The following ODAD1 variants were observed in gnomAD, a reference collection of about 807,000 sequenced individuals.
ODAD1 encodes outer dynein arm docking complex subunit 1.
ODAD1 carries 49 observed loss-of-function variants against 67.2 expected under a neutral mutation model. That is an observed-to-expected ratio of 0.73 (90% CI 0.58 to 0.92). The LOEUF is 0.92. Among genes scored for constraint, ODAD1 ranks in the 40% least tolerant of loss-of-function variants. The pLI is 0.00. For missense variants in ODAD1, 897 were observed against 953.7 expected (o/e 0.94, Z 0.78); for synonymous variants, 345 against 393.7 (o/e 0.88, Z 1.46).
chr19:48,305,023 C>G (rs1320123498), intron 8 of ODAD1, among the ~76,000 whole-genome samples: 3 of 152,110 alleles, frequency 2.0e-5, no homozygotes, highest in Non-Finnish European at 4.4e-5. Flanking sequence ...TTTGTTTTAA[C>G]AGAGAGAGAG....
chr19:48,308,576 AG>A (rs1259050035), intron 7 of ODAD1, among the ~76,000 whole-genome samples: 2 of 152,270 alleles, frequency 1.3e-5, no homozygotes, highest in African/African-American at 2.4e-5. Context: ...ATAACCATTC[AG>A]GGAAGAATCA....
Position 48,298,235 on chromosome 19 carries a change from C to A in ODAD1, c.1346G>T (p.Ser449Ile). The A allele has an allele frequency of 6.2e-7, 1 of 1,614,074 alleles. No homozygotes were observed. Among genetic ancestry groups the A allele is most frequent in the Non-Finnish European group, 8.5e-7 (1 of 1,180,032 alleles). The change falls in exon 13 of 16, where the codon AGC becomes ATC. Residue 449 changes from serine (S) to isoleucine (I), a missense_variant. Coordinates refer to ENST00000674294, the MANE Select transcript of ODAD1 (RefSeq NM_001364171.2). ...MGDRDMGLFL[S>I]LIEKRLVELL... ...CTCCACCAGCCGCTTCTCAATGAGG[C>A]TCAGGAAGAGGCCCATGTCCCGGTC... is the stretch of plus-strand genomic sequence containing the variant.
At chr19:48,316,230 A>C (rs1014909598) in intron 5 of ODAD1, among the ~76,000 whole-genome samples, 1 of 152,034 alleles carries the variant, frequency 6.6e-6, no homozygotes, top group Non-Finnish European at 1.5e-5. Context: ...AAAATATAAA[A>C]ATTAGCTGGG....
chr19:48,306,813 G>A (rs1053024201), intron 7 of ODAD1, among the ~76,000 whole-genome samples: 7 of 152,084 alleles, frequency 4.6e-5, no homozygotes, highest in Admixed American at 4.6e-4. Flanking sequence ...TTGGGAGGAC[G>A]AGGCGGGCAG....
chr19:48,306,410 A>AAGG, intron 7 of ODAD1, 87 bp from the exon 8 acceptor site: 1 of 1,139,142 alleles, frequency 8.8e-7, no homozygotes, highest in Non-Finnish European at 1.3e-6. Context: ...CTTCTCCAAT[A>AAGG]AGGAGTAAAG....
At position 48,321,903 on chromosome 19, in the gene ODAD1, G is replaced by T; in HGVS notation, c.-289C>A. 2.5e-6 allele frequency: 1 copy of T among 398,036 alleles called. No homozygotes were observed. The highest frequency in any genetic ancestry group is 1.3e-4 in the South Asian group (1 of 7,804). 24.7% of individuals were successfully genotyped at this position (398,036 alleles called of 1,614,324 possible). On this transcript the variant is annotated 5_prime_UTR_variant, in exon 1 of 16. Transcript: ENST00000674294. ...CCTCAGCGGTTCACTACGCAAGCGC[G>T]ACCAACGGCTTCCCGGGAAGCAGCC...
chr19:48,321,348 G>A (rs1463803433), intron 1 of ODAD1, among the ~76,000 whole-genome samples: 3 of 152,126 alleles, frequency 2.0e-5, no homozygotes, highest in Admixed American at 6.5e-5. Flanking sequence ...GTGCACGGCT[G>A]TGAGGCCTGA....
intron 5 of ODAD1, among the ~76,000 whole-genome samples, chr19:48,312,930 C>CCTT (rs77728237): frequency 0.99 from 150,855 of 152,254 alleles, 74,737 homozygotes; most frequent in East Asian, 1. Context: ...TCCAATCTGT[C>CCTT]CTCATTTCTG....
At position 48,312,194 on chromosome 19, in the gene ODAD1, C is replaced by G. The variant is rs879103588; in HGVS notation, c.361-78G>C. 2.3e-5 allele frequency: 25 copies of G among 1,089,794 alleles called. No homozygotes were observed. The South Asian group carries it at 3.3e-4, about 14-fold the overall frequency. The allele number at this position is 1,089,794 out of a possible 1,614,324, so 67.5% of individuals were successfully genotyped here. A position where few individuals can be genotyped will look rare whatever the true frequency, so the allele number is the denominator to read the frequency against. Reference sequence around the variant, plus strand: ...TGAATGGCCCAGGGAAAATGAGTCACTAAGCATGGCAAACATCTGCTGTCC... The same window carrying G: ...TGAATGGCCCAGGGAAAATGAGTCAGTAAGCATGGCAAACATCTGCTGTCC... On this transcript the variant is annotated intron_variant, in intron 5 of 15. Transcript: ENST00000674294.
At chr19:48,317,382 T>C (rs1968927785) in intron 5 of ODAD1, among the ~76,000 whole-genome samples, 1 of 152,030 alleles carries the variant, frequency 6.6e-6, no homozygotes, top group East Asian at 1.9e-4. Context: ...CAAGGTCAAA[T>C]AGCAAGGTCC....
intron 2 of ODAD1, 38 bp from the exon 3 acceptor site, chr19:48,320,429 G>C (rs1335371061): frequency 6.8e-6 from 8 of 1,170,272 alleles, no homozygotes; most frequent in Non-Finnish European, 7.8e-6. Flanking sequence ...CAGACAGCAG[G>C]CGGGCCAGGG....
chr19:48,317,896 T>C (rs796610707), intron 5 of ODAD1, among the ~76,000 whole-genome samples: 15 of 151,852 alleles, frequency 9.9e-5, no homozygotes, highest in African/African-American at 3.6e-4. Context: ...CACAGTAAAA[T>C]CCTGTCTCTA....
chr19:48,307,728 C>T (rs905005096), intron 7 of ODAD1, among the ~76,000 whole-genome samples: 6 of 150,726 alleles, frequency 4.0e-5, no homozygotes, highest in South Asian at 2.1e-4. Context: ...GGCAGGAGAA[C>T]GGCGTGAACC....
chr19:48,303,751 G>A lies in ODAD1; in HGVS notation c.887C>T (p.Ser296Phe), dbSNP rs766060331. ...GTAGCAAAGCACCAGCCTCTCCTGG[G>A]AGGTCTTCCAGACGCCCTCGGCCAC... ...GEVAEGVWKT[S>F]QERLVLCYED... Residue 296 changes from serine (S) to phenylalanine (F), a missense_variant, in exon 10 of 16, where the codon TCC (serine) becomes TTC (phenylalanine). Transcript: ENST00000674294. 5.6e-6 allele frequency: 9 copies of A among 1,613,376 alleles called. No individual in the cohort carries two copies. The highest frequency in any genetic ancestry group is 1.3e-5 in the African/African-American group (1 of 74,926).
Position 48,317,907 on chromosome 19 carries a change from C to T in ODAD1, c.360+480G>A, listed in dbSNP as rs563278342. ...CTAACACAGTAAAATCCTGTCTCTA[C>T]TAAAAATACAAAAAAAGTAGCCAGG... On this transcript the variant is annotated intron_variant, in intron 5 of 15. Coordinates refer to ENST00000674294, the MANE Select transcript of ODAD1 (RefSeq NM_001364171.2). 1.2e-4 allele frequency among the ~76,000 whole-genome samples: 19 copies of T among 152,132 alleles called. 1 individual carries two copies. Among genetic ancestry groups the T allele is most frequent in the East Asian group, 7.8e-4 (4 of 5,148 alleles).
Position 48,311,989 on chromosome 19 carries a change from C to T in ODAD1, c.483+5G>A. ...AGGTCGAGGGACCAGGAGTTTGACCCTCACCCTGTCCAACTGGTTTTCTAG... is the reference window on the plus strand; with the variant it reads ...AGGTCGAGGGACCAGGAGTTTGACCTTCACCCTGTCCAACTGGTTTTCTAG... On this transcript the variant is annotated splice_donor_5th_base_variant and intron_variant, in intron 6 of 15. Transcript: ENST00000674294. The T allele has an allele frequency of 1.9e-6, 3 of 1,550,624 alleles. No homozygotes were observed. Among genetic ancestry groups the T allele is most frequent in the Non-Finnish European group, 2.6e-6 (3 of 1,146,572 alleles).
intron 5 of ODAD1, among the ~76,000 whole-genome samples, chr19:48,312,785 G>C (rs1968800081): frequency 6.6e-6 from 1 of 152,216 alleles, no homozygotes; most frequent in Non-Finnish European, 1.5e-5. Context: ...GACTTCTCCT[G>C]TCATGGCCCC....
intron 5 of ODAD1, among the ~76,000 whole-genome samples, chr19:48,315,973 A>C (rs1968887654): frequency 6.6e-6 from 1 of 152,202 alleles, no homozygotes; most frequent in African/African-American, 2.4e-5. Flanking sequence ...GGTTGTTATG[A>C]ATATTCATGT....
chr19:48,314,041 G>A (rs1328617001), intron 5 of ODAD1, among the ~76,000 whole-genome samples: 4 of 152,082 alleles, frequency 2.6e-5, no homozygotes, highest in Non-Finnish European at 5.9e-5. Flanking sequence ...TCAGGAGTTC[G>A]AGACCAGCCT....
Sources: gnomAD v4.1 joint callset for allele counts (sites outside exome capture counted in the v4.1 genomes callset) on GRCh38, gnomAD v4.1.1 for gene constraint, MANE v1.5 for transcripts, NCBI Gene and HGNC (gene_info 2026-07-23, HGNC 2026-07-21) for gene names.